AVEN: variants seen among roughly 807,000 people sequenced by gnomAD.
AVEN encodes the protein cell death regulator Aven.
Under a neutral mutation model 38.1 loss-of-function variants are expected in AVEN, and 41 were observed. The observed-to-expected ratio is 1.08, with a 90% confidence interval of 0.84 to 1.40. The LOEUF is 1.40. Among genes scored for constraint, AVEN ranks in the 40% most tolerant of loss-of-function variants. The probability of loss-of-function intolerance (pLI) is 0.00; values close to 1 mark genes in which losing one functional copy is unlikely to be tolerated. For missense variants in AVEN, 605 were observed against 438.8 expected, an observed-to-expected ratio of 1.38 and a Z score of -3.38; for synonymous variants, 206 against 171.8, an observed-to-expected ratio of 1.20 and a Z score of -1.56.
At chr15:33,922,849 A>C (rs1567415418) in intron 2 of AVEN, among the ~76,000 whole-genome samples, 1 of 152,210 alleles carries the variant, frequency 6.6e-6, no homozygotes, top group Non-Finnish European at 1.5e-5. Context: ...TGGGTGAGGA[A>C]GGGTGTCTGT....
chr15:33,865,675 C>T (rs1010420795), downstream of AVEN: 19 of 156,394 alleles, frequency 1.2e-4, no homozygotes, highest in Non-Finnish European at 2.3e-4. Context: ...TCTAATTTTT[C>T]CCATGGTACT....
intron 2 of AVEN, among the ~76,000 whole-genome samples, chr15:33,919,582 A>G (rs998690091): frequency 6.6e-5 from 10 of 152,222 alleles, no homozygotes; most frequent in African/African-American, 1.9e-4. Context: ...GACAACAAGA[A>G]GGGTATGGGA....
chr15:34,058,139 A>G (rs1900221207), intron 5 of AVEN, among the ~76,000 whole-genome samples: 1 of 152,050 alleles, frequency 6.6e-6, no homozygotes, highest in African/African-American at 2.4e-5. Context: ...AACCCCTTCA[A>G]ATGATCGAAT....
At chr15:33,882,850 G>T (rs117061604) in intron 2 of AVEN, among the ~76,000 whole-genome samples, 2,348 of 152,226 alleles carry the variant, frequency 0.015, 28 homozygotes, top group Middle Eastern at 0.037. Flanking sequence ...TCCAGCCTGG[G>T]TGACGGAACA....
intron 2 of AVEN, among the ~76,000 whole-genome samples, chr15:33,980,498 T>C (rs1210083110): frequency 2.6e-5 from 4 of 152,214 alleles, no homozygotes; most frequent in Non-Finnish European, 5.9e-5. Context: ...TGTGGGCTGA[T>C]GGCCATATAT....
At chr15:33,999,911 A>C (rs1897073473) in intron 2 of AVEN, among the ~76,000 whole-genome samples, 1 of 152,164 alleles carries the variant, frequency 6.6e-6, no homozygotes, top group Non-Finnish European at 1.5e-5. Flanking sequence ...ACTCAGAATA[A>C]AAGAAAACAT....
intron 2 of AVEN, among the ~76,000 whole-genome samples, chr15:33,911,221 A>G (rs796348032): frequency 2.6e-5 from 4 of 152,352 alleles, no homozygotes; most frequent in African/African-American, 9.6e-5. Flanking sequence ...GGAGTCAAGC[A>G]AAACACATGG....
intron 1 of AVEN, among the ~76,000 whole-genome samples, chr15:34,005,608 G>C (rs1597339644): frequency 6.6e-6 from 1 of 152,162 alleles, no homozygotes; most frequent in Non-Finnish European, 1.5e-5. Context: ...GGACCACAGG[G>C]TTTGGATAAT....
At chr15:33,874,397 TTC>T (rs1418438678) in intron 3 of AVEN, among the ~76,000 whole-genome samples, 7 of 152,144 alleles carry the variant, frequency 4.6e-5, no homozygotes, top group Non-Finnish European at 7.3e-5. Flanking sequence ...GGCCACACCC[TTC>T]TCTGAGCATA....
intron 2 of AVEN, among the ~76,000 whole-genome samples, chr15:33,974,908 C>T (rs187930817): frequency 1.3e-5 from 2 of 152,234 alleles, no homozygotes; most frequent in African/African-American, 2.4e-5. Flanking sequence ...GGAGGTGGAG[C>T]TTGCAGTGAG....
intron 2 of AVEN, among the ~76,000 whole-genome samples, chr15:33,987,742 G>A (rs1378849520): frequency 6.6e-6 from 1 of 152,124 alleles, no homozygotes; most frequent in Admixed American, 6.5e-5. Context: ...GCCCCAGAAG[G>A]CAGGAACCAC....
chr15:33,852,681 A>G, the AVEN span: 1 of 194,888 alleles, frequency 5.1e-6, no homozygotes, highest in Non-Finnish European at 1.1e-5. Context: ...CATTGAATGG[A>G]ATGCCTGTGT....
chr15:33,877,051 G>C (rs534527097), intron 2 of AVEN, among the ~76,000 whole-genome samples: 1 of 152,096 alleles, frequency 6.6e-6, no homozygotes, highest in Non-Finnish European at 1.5e-5. Context: ...TGTTCTCAGA[G>C]AAAAAGTTAA....
At chr15:33,953,986 G>A (rs1487399503) in intron 2 of AVEN, among the ~76,000 whole-genome samples, 13 of 152,114 alleles carry the variant, frequency 8.5e-5, no homozygotes, top group African/African-American at 3.1e-4. Flanking sequence ...CAAAAAGTGG[G>A]CAAAGGATAT....
At chr15:33,964,674 T>G (rs1272291260) in intron 2 of AVEN, among the ~76,000 whole-genome samples, 1 of 152,166 alleles carries the variant, frequency 6.6e-6, no homozygotes, top group Non-Finnish European at 1.5e-5. Flanking sequence ...TGAATAGTAT[T>G]TTAAAACACA....
At chr15:33,999,927 CA>C (rs1397959075) in intron 2 of AVEN, among the ~76,000 whole-genome samples, 2 of 152,124 alleles carry the variant, frequency 1.3e-5, no homozygotes, top group African/African-American at 4.8e-5. Context: ...AACATCTTTA[CA>C]ATGGTCTACA....
chr15:33,859,594 A>C, intron 11 of AVEN: 1 of 1,613,996 alleles, frequency 6.2e-7, no homozygotes, highest in Non-Finnish European at 8.5e-7. Context: ...TTCCACATGT[A>C]CGTGGGAGTG....
chr15:33,864,253 G>A, downstream of AVEN: 4 of 1,281,630 alleles, frequency 3.1e-6, no homozygotes, highest in Non-Finnish European at 4.4e-6. Context: ...AGACTTAGTA[G>A]GGCATAGGTT....
At chr15:34,047,073 G>GTTT (rs56218206) in intron 5 of AVEN, among the ~76,000 whole-genome samples, 2,535 of 145,134 alleles carry the variant, frequency 0.017, 89 homozygotes, top group African/African-American at 0.06. Context: ...TTTTTTGTTG[G>GTTT]TTTTTTTTTT....
Sources: allele counts gnomAD v4.1 joint callset (sites outside exome capture counted in the v4.1 genomes callset), GRCh38; gene constraint gnomAD v4.1.1; transcripts MANE v1.5; gene names NCBI Gene and HGNC (gene_info 2026-07-23, HGNC 2026-07-21).